USP9X: variants seen among roughly 807,000 people sequenced by gnomAD.
USP9X encodes ubiquitin specific peptidase 9 X-linked, also known as ubiquitin carboxyl-terminal hydrolase 9X.
USP9X carries 7 observed loss-of-function variants against 190.3 expected under a neutral mutation model. The ratio of observed to expected loss-of-function variants is 0.04; its 90% CI spans 0.02 to 0.07. USP9X has a LOEUF of 0.07. Ranked by LOEUF, USP9X falls within the 10% of genes least tolerant of loss-of-function variation. USP9X has a pLI of 1.00. For missense variants in USP9X, 1,010 were observed against 1,916.9 expected, an observed-to-expected ratio of 0.53 and a Z score of 8.83; for synonymous variants, 645 against 659.5, an observed-to-expected ratio of 0.98 and a Z score of 0.34.
At chrX:41,159,049 C>T (rs1187766076) in intron 14 of USP9X, among the ~76,000 whole-genome samples, 2 of 111,287 alleles carry the variant, frequency 1.8e-5, no homozygotes, top group African/African-American at 3.3e-5. Flanking sequence ...TCCACTCCAA[C>T]CACTTCTATT....
intron 41 of USP9X, among the ~76,000 whole-genome samples, chrX:41,226,738 C>T (rs1463293404): frequency 2.7e-5 from 3 of 111,951 alleles, no homozygotes; most frequent in Admixed American, 9.5e-5. Flanking sequence ...GTATTCAGTG[C>T]CCTTCTAAAT....
Position 41,224,925 on chromosome X carries a change from A to G in USP9X, c.6935A>G (p.Gln2312Arg). 1 of 1,212,331 alleles carries G rather than the reference A, an allele frequency of 8.2e-7. No homozygotes were observed. The highest frequency in any genetic ancestry group is 1.1e-6 in the Non-Finnish European group (1 of 895,624). Residue 2312 changes from glutamine (Q) to arginine (R), a missense_variant, in exon 40 of 45, where the codon CAG (glutamine) becomes CGG (arginine). Coordinates refer to ENST00000378308, the MANE Select transcript of USP9X (RefSeq NM_001039591.3). Reference protein sequence around the residue: ...LLRFCCWENPQFSSTVLSELL... With the variant: ...LLRFCCWENPRFSSTVLSELL... ...CGTTTTTGCTGCTGGGAGAATCCTCAGTTCTCATCTACTGTCCTCAGTGAA... is the reference window on the plus strand; with the variant it reads ...CGTTTTTGCTGCTGGGAGAATCCTCGGTTCTCATCTACTGTCCTCAGTGAA...
chrX:41,202,320 G>A (rs143430855), intron 31 of USP9X, among the ~76,000 whole-genome samples: 228 of 112,105 alleles, frequency 2.0e-3, no homozygotes, highest in African/African-American at 6.8e-3. Flanking sequence ...AAGTTGAGTT[G>A]TAGTGGCGAA....
intron 15 of USP9X, among the ~76,000 whole-genome samples, chrX:41,164,086 T>C (rs2147109408): frequency 9.0e-6 from 1 of 111,222 alleles, no homozygotes; most frequent in South Asian, 3.8e-4. Flanking sequence ...TTGGCCAGGA[T>C]GGTCTCTATC....
Position 41,232,383 on chromosome X carries a change from C to T in USP9X, c.7528-4C>T. ...TAACATACAGATCTTTTCTCCTTTC[C>T]CAGAATAACCATGTGCATGGACAGC... On this transcript the variant is annotated splice_polypyrimidine_tract_variant and splice_region_variant and intron_variant, in intron 44 of 44. Transcript: ENST00000378308. The T allele has an allele frequency of 7.5e-6, 9 of 1,198,858 alleles. No homozygotes were observed. The highest frequency in any genetic ancestry group is 1.0e-5 in the Non-Finnish European group (9 of 889,691).
intron 35 of USP9X, 55 bp downstream of exon 35, chrX:41,216,707 G>C: frequency 1.8e-6 from 2 of 1,099,370 alleles, no homozygotes; most frequent in Non-Finnish European, 2.4e-6. Flanking sequence ...TATAGTAGGC[G>C]TCAACATGTT....
At chrX:41,202,401 A>C (rs1019465306) in intron 31 of USP9X, among the ~76,000 whole-genome samples, 8 of 112,378 alleles carry the variant, frequency 7.1e-5, no homozygotes, top group Non-Finnish European at 1.5e-4. Context: ...AGTTGTGGTC[A>C]TGTTTGTGCT....
chrX:41,181,162 A>G (rs2062821191), intron 21 of USP9X, among the ~76,000 whole-genome samples: 1 of 111,567 alleles, frequency 9.0e-6, no homozygotes. Context: ...CACACAACAT[A>G]CCTATAAGGA....
chrX:41,216,065 C>G lies in USP9X; in HGVS notation c.5498C>G (p.Ala1833Gly). The G allele has an allele frequency of 8.3e-7, 1 of 1,211,365 alleles. No homozygotes were observed. The highest frequency in any genetic ancestry group is 1.1e-6 in the Non-Finnish European group (1 of 895,481). Residue 1833 changes from alanine (A) to glycine (G), a missense_variant, in exon 35 of 45, where the codon GCA becomes GGA. Around this residue, in one of 11 missense-constraint regions of USP9X, gnomAD observed 120 missense variants for 342.7 expected, o/e 0.35. Coordinates refer to ENST00000378308, the MANE Select transcript of USP9X (RefSeq NM_001039591.3). ...GAACCTTACACAGTTGCAGGTGTCG[C>G]AAAGCTGGAAGGGGATAATGTAAAC... Reference protein sequence around the residue: ...DMEPYTVAGVAKLEGDNVNPE... With the variant: ...DMEPYTVAGVGKLEGDNVNPE...
At position 41,085,683 on chromosome X, in the gene USP9X, C is replaced by G; in HGVS notation, c.-585C>G. 3.4e-6 allele frequency: 1 copy of G among 295,987 alleles called. No homozygotes were observed. The highest frequency in any genetic ancestry group is 5.9e-6 in the Non-Finnish European group (1 of 169,416). The allele number at this position is 295,987 out of a possible 1,213,427, so 24.4% of individuals were successfully genotyped here. A position where few individuals can be genotyped will look rare whatever the true frequency, so the allele number is the denominator to read the frequency against. ...TTGGGTCGGCGCCGGGAGCGAGGAG[C>G]GAGCTACTTCAAAGCCACCAGGCCT... is the stretch of plus-strand genomic sequence containing the variant. On this transcript the variant is annotated 5_prime_UTR_variant, in exon 1 of 45. Coordinates refer to ENST00000378308, the MANE Select transcript of USP9X (RefSeq NM_001039591.3).
chrX:41,188,099 C>G lies in USP9X; in HGVS notation c.3792C>G (p.Ile1264Met). The G allele has an allele frequency of 1.7e-6, 2 of 1,207,208 alleles. No individual in the cohort carries two copies. The highest frequency in any genetic ancestry group is 1.8e-5 in the South Asian group (1 of 56,294). Residue 1264 changes from isoleucine to methionine, a missense_variant, in exon 25 of 45, where the codon ATC becomes ATG. By Grantham distance (10) the Ile-to-Met change is conservative. This residue lies in a region of USP9X where 351 missense variants were observed against 480.8 expected (regional missense o/e 0.73). Transcript: ENST00000378308. ...LQLVFSPNEE[I>M]TKIYEKTNAG... ...TAGTATTTAGCCCAAATGAAGAAAT[C>G]ACTAAAATTTATGAGAAGGTAAGAA...
chrX:41,087,451 G>C (rs1278139624), intron 1 of USP9X, among the ~76,000 whole-genome samples: 1 of 112,160 alleles, frequency 8.9e-6, no homozygotes, highest in Non-Finnish European at 1.9e-5. Flanking sequence ...GATCTCGCTC[G>C]TCTTCTAATT....
intron 11 of USP9X, among the ~76,000 whole-genome samples, chrX:41,145,247 AAAT>A (rs1206033266): frequency 8.9e-6 from 1 of 111,936 alleles, no homozygotes; most frequent in African/African-American, 3.2e-5. Context: ...TTCTTGTTAA[AAAT>A]AATAATTATA....
intron 38 of USP9X, among the ~76,000 whole-genome samples, chrX:41,222,335 G>A (rs1203330442): frequency 9.0e-6 from 1 of 110,684 alleles, no homozygotes; most frequent in Non-Finnish European, 1.9e-5. Context: ...AGAAAATCAG[G>A]AATCCAGGGA....
intron 41 of USP9X, among the ~76,000 whole-genome samples, chrX:41,228,763 C>T (rs898893776): frequency 1.8e-5 from 2 of 112,152 alleles, no homozygotes; most frequent in Non-Finnish European, 3.8e-5. Flanking sequence ...CACACTGCTC[C>T]GCAGCTATAT....
intron 18 of USP9X, among the ~76,000 whole-genome samples, chrX:41,169,334 G>A (rs776164064): frequency 4.5e-5 from 5 of 111,006 alleles, no homozygotes; most frequent in East Asian, 2.8e-4. Context: ...AAAAATAAGC[G>A]TTATATCTTG....
chrX:41,149,197 G>T (rs1015134879), intron 12 of USP9X, among the ~76,000 whole-genome samples: 1 of 111,887 alleles, frequency 8.9e-6, no homozygotes, highest in Non-Finnish European at 1.9e-5. Flanking sequence ...TGACAGTTCG[G>T]TAAGTATTTA....
At chrX:41,122,819 G>A (rs1412721097) in intron 1 of USP9X, among the ~76,000 whole-genome samples, 1 of 111,434 alleles carries the variant, frequency 9.0e-6, no homozygotes, top group Non-Finnish European at 1.9e-5. Flanking sequence ...GAGCTGGAGA[G>A]GGGATGGAGT....
At chrX:41,116,781 T>G (rs936487894) in intron 1 of USP9X, among the ~76,000 whole-genome samples, 2 of 111,950 alleles carry the variant, frequency 1.8e-5, no homozygotes, top group South Asian at 7.4e-4. Context: ...GGCTTTCTTT[T>G]TTTTGTGTGG....
Sources: allele counts gnomAD v4.1 joint callset (sites outside exome capture counted in the v4.1 genomes callset), GRCh38; gene constraint gnomAD v4.1.1; regional missense constraint gnomAD v4.1.1; transcripts MANE v1.5; gene names NCBI Gene and HGNC (gene_info 2026-07-23, HGNC 2026-07-21).